Variants in PAH observed in about 807,000 individuals in gnomAD.
The protein encoded by PAH is phenylalanine-4-hydroxylase.
In PAH, 64 loss-of-function variants were observed where a neutral mutation model predicts 62.0. The ratio of observed to expected loss-of-function variants is 1.03; its 90% CI spans 0.84 to 1.27. The LOEUF is 1.27. Ranked by LOEUF, PAH falls within the 50% of genes most tolerant of loss-of-function variation. PAH has a pLI of 0.00. For synonymous variants in PAH, 195 were observed against 196.2 expected (o/e 0.99, Z 0.05); for missense variants, 579 against 542.8 (o/e 1.07, Z -0.66).
intron 4 of PAH, among the ~76,000 whole-genome samples, chr12:102,867,427 G>A (rs1196336720): frequency 1.3e-5 from 2 of 152,196 alleles, no homozygotes; most frequent in Non-Finnish European, 2.9e-5. Context: ...GCACATTTCC[G>A]AGTGAAAGGA....
At position 102,852,857 on chromosome 12, in the gene PAH, T is replaced by A. The variant is rs778154939; in HGVS notation, c.800A>T (p.Gln267Leu). The change falls in exon 7 of 13, where the codon CAG becomes CTG. Residue 267 changes from glutamine to leucine, a missense_variant. By Grantham distance (113) the Gln-to-Leu change is moderately radical. Transcript: ENST00000553106. The stretch of plus-strand genomic sequence containing the variant: ...GGGCTTGGATCCATGTCTGATGTAC[T>A]GTGTGCAGTGGAAGACTCGGAAGGC... ...GLAFRVFHCTQYIRHGSKPMY... is the reference protein window; with the variant it reads ...GLAFRVFHCTLYIRHGSKPMY... The A allele has an allele frequency of 6.2e-7, 1 of 1,614,074 alleles. No individual in the cohort carries two copies. The highest frequency in any genetic ancestry group is 2.2e-5 in the East Asian group (1 of 44,878).
At chr12:102,871,367 C>T (rs1235714677) in intron 4 of PAH, among the ~76,000 whole-genome samples, 1 of 152,178 alleles carries the variant, frequency 6.6e-6, no homozygotes, top group Admixed American at 6.5e-5. Context: ...CTCTTTCCCA[C>T]ATCAAGGCCT....
chr12:102,880,302 A>C (rs1218503130), intron 3 of PAH, among the ~76,000 whole-genome samples: 1 of 152,152 alleles, frequency 6.6e-6, no homozygotes, highest in African/African-American at 2.4e-5. Flanking sequence ...CCAGGTTTGC[A>C]TGGGCTTGAG....
intron 2 of PAH, among the ~76,000 whole-genome samples, chr12:102,910,649 C>T (rs1168889038): frequency 6.6e-6 from 1 of 152,124 alleles, no homozygotes; most frequent in South Asian, 2.1e-4. Context: ...GGATTACAGG[C>T]GTGAGTTGAA....
intron 4 of PAH, among the ~76,000 whole-genome samples, chr12:102,876,724 C>G (rs1876579023): frequency 6.6e-6 from 1 of 152,158 alleles, no homozygotes; most frequent in South Asian, 2.1e-4. Context: ...CTGGGCTGTT[C>G]CTCCCCAGAC....
intron 2 of PAH, among the ~76,000 whole-genome samples, chr12:102,909,474 T>G (rs1367165400): frequency 1.3e-5 from 2 of 152,178 alleles, no homozygotes; most frequent in African/African-American, 4.8e-5. Context: ...GTCACATGGC[T>G]GAGGTGTCTT....
At chr12:102,926,896 G>A (rs1295658390) in intron 1 of PAH, among the ~76,000 whole-genome samples, 1 of 151,854 alleles carries the variant, frequency 6.6e-6, no homozygotes, top group East Asian at 1.9e-4. Flanking sequence ...GTGACATGAT[G>A]TTGGTAGCTT....
In PAH at chr12:102,917,219, C is replaced by T; in HGVS notation, c.-89G>A. On this transcript the variant is annotated 5_prime_UTR_variant, in exon 1 of 13. Coordinates refer to ENST00000553106, the MANE Select transcript of PAH (RefSeq NM_000277.3). Reference sequence around the variant, plus strand: ...CAGCACGTGGGGCTGAAGGTTTTAACCTCGCACTAGGGAGGAGAAGAGAGT... The same window carrying T: ...CAGCACGTGGGGCTGAAGGTTTTAATCTCGCACTAGGGAGGAGAAGAGAGT... 9.1e-7 allele frequency: 1 copy of T among 1,096,662 alleles called. No individual in the cohort carries two copies. 67.9% of individuals were successfully genotyped at this position (1,096,662 alleles called of 1,614,324 possible).
intron 1 of PAH, among the ~76,000 whole-genome samples, chr12:102,930,306 T>TACATAAGC (rs1212710341): frequency 6.6e-6 from 1 of 152,180 alleles, no homozygotes; most frequent in Non-Finnish European, 1.5e-5. Flanking sequence ...GCCTCACATC[T>TACATAAGC]ACATAAGCTC....
chr12:102,891,332 C>A (rs1015293323), intron 3 of PAH, among the ~76,000 whole-genome samples: 1 of 152,074 alleles, frequency 6.6e-6, no homozygotes, highest in South Asian at 2.1e-4. Context: ...TGCGCATGAC[C>A]CCCCAGAACC....
chr12:102,857,393 C>T (rs144847473), intron 5 of PAH, among the ~76,000 whole-genome samples: 430 of 152,304 alleles, frequency 2.8e-3, no homozygotes, highest in African/African-American at 0.01. Flanking sequence ...AGTTGGAAAA[C>T]ACTCTGAAGG....
chr12:102,940,822 A>G (rs1198503114), intron 1 of PAH, among the ~76,000 whole-genome samples: 1 of 152,184 alleles, frequency 6.6e-6, no homozygotes, highest in Non-Finnish European at 1.5e-5. Context: ...AAATTCAGAG[A>G]ACCTCTGATA....
At chr12:102,853,094 C>T (rs1045615658) in intron 6 of PAH, 144 bp from the exon 7 acceptor site, 2 of 835,816 alleles carry the variant, frequency 2.4e-6, no homozygotes, top group Non-Finnish European at 3.9e-6. Flanking sequence ...CAGATGTCTG[C>T]CTCGCTGCTT....
At chr12:102,845,882 G>A (rs1025947445) in intron 9 of PAH, among the ~76,000 whole-genome samples, 7 of 152,252 alleles carry the variant, frequency 4.6e-5, no homozygotes, top group South Asian at 4.2e-4. Context: ...TAGAAAAGTC[G>A]CATTGGTGAT....
intron 1 of PAH, among the ~76,000 whole-genome samples, chr12:102,933,604 G>GT (rs1878994658): frequency 6.6e-6 from 1 of 151,844 alleles, no homozygotes; most frequent in African/African-American, 2.4e-5. Context: ...GCATACAAGA[G>GT]TTCCTTTGCC....
upstream of PAH, chr12:102,958,394 G>T: frequency 3.2e-6 from 2 of 623,200 alleles, no homozygotes; most frequent in East Asian, 6.9e-5. Flanking sequence ...CGCAGAGCGC[G>T]CAGCAGCAGC....
At chr12:102,894,159 A>G (rs1288681671) in intron 3 of PAH, among the ~76,000 whole-genome samples, 1 of 152,200 alleles carries the variant, frequency 6.6e-6, no homozygotes, top group Non-Finnish European at 1.5e-5. Context: ...AATTTTCTGC[A>G]TATGGCTTTC....
At chr12:102,918,938 GAC>G (rs1878486029), upstream of PAH, among the ~76,000 whole-genome samples, 1 of 133,014 alleles carries the variant, frequency 7.5e-6, no homozygotes, top group South Asian at 2.3e-4. Flanking sequence ...CAATGAATGT[GAC>G]AACTCCAAAA....
chr12:102,893,836 A>G (rs1017265155), intron 3 of PAH, among the ~76,000 whole-genome samples: 4 of 152,218 alleles, frequency 2.6e-5, no homozygotes, highest in African/African-American at 7.2e-5. Context: ...CAACTCCTAT[A>G]TTAGTCATTC....
Sources: gnomAD v4.1 joint callset for allele counts (sites outside exome capture counted in the v4.1 genomes callset) on GRCh38, gnomAD v4.1.1 for gene constraint, MANE v1.5 for transcripts, NCBI Gene and HGNC (gene_info 2026-07-23, HGNC 2026-07-21) for gene names.